The following ACTR3C variants were observed in gnomAD, a reference collection of about 807,000 sequenced individuals.
ACTR3C encodes actin related protein 3C, also known as actin-related protein 3C.
Under a neutral mutation model 26.3 loss-of-function variants are expected in ACTR3C, and 18 were observed. The ratio of observed to expected loss-of-function variants is 0.68; its 90% CI spans 0.47 to 1.01. The LOEUF is 1.01. ACTR3C is among the 50% of genes least tolerant of loss of function. The pLI, the probability that ACTR3C is intolerant of heterozygous loss-of-function variation, is 0.00. For missense variants in ACTR3C, 184 were observed against 250.7 expected, an observed-to-expected ratio of 0.73 and a Z score of 1.80; for synonymous variants, 55 against 94.5, an observed-to-expected ratio of 0.58 and a Z score of 2.42.
At chr7:150,309,659 T>G (rs1330336011) in intron 1 of ACTR3C, among the ~76,000 whole-genome samples, 4 of 152,180 alleles carry the variant, frequency 2.6e-5, no homozygotes, top group Non-Finnish European at 5.9e-5. Flanking sequence ...GACCAAGAAA[T>G]GCCCACAGCC....
intron 1 of ACTR3C, among the ~76,000 whole-genome samples, chr7:150,310,809 A>C (rs57982114): frequency 0.041 from 6,188 of 152,112 alleles, 420 homozygotes; most frequent in African/African-American, 0.14. Flanking sequence ...ATGTTGATGA[A>C]CTTCTTCTTT....
At chr7:149,909,152 G>A in the ACTR3C span, among the ~76,000 whole-genome samples, 5 of 151,216 alleles carry the variant, frequency 3.3e-5, no homozygotes, top group African/African-American at 9.8e-5. Flanking sequence ...TGAGTAGAAC[G>A]CCCCATGCCA....
chr7:150,147,227 AAAG>A, the ACTR3C span, among the ~76,000 whole-genome samples: 1 of 152,238 alleles, frequency 6.6e-6, no homozygotes, highest in East Asian at 1.9e-4. Context: ...TTATAGCCAC[AAAG>A]AAGATGTAAT....
the ACTR3C span, among the ~76,000 whole-genome samples, chr7:150,072,790 G>T: frequency 6.6e-6 from 1 of 152,132 alleles, no homozygotes; most frequent in African/African-American, 2.4e-5. Flanking sequence ...CAGTATGATA[G>T]GTGCAGACAG....
At chr7:150,305,094 A>G (rs573428291) in intron 1 of ACTR3C, among the ~76,000 whole-genome samples, 187 of 152,084 alleles carry the variant, frequency 1.2e-3, no homozygotes, top group Non-Finnish European at 2.1e-3. Flanking sequence ...CTAACAAACA[A>G]TGTGTGCTTC....
chr7:149,979,633 A>C, the ACTR3C span, among the ~76,000 whole-genome samples: 2 of 152,228 alleles, frequency 1.3e-5, no homozygotes, highest in Middle Eastern at 6.8e-3. Flanking sequence ...CCATCCTTTA[A>C]AACTTGTATT....
the ACTR3C span, among the ~76,000 whole-genome samples, chr7:150,056,279 C>T: frequency 5.9e-5 from 9 of 151,968 alleles, no homozygotes; most frequent in Non-Finnish European, 1.2e-4. Context: ...AGTGCAAAAC[C>T]CTGATTCATG....
chr7:150,190,056 T>C, the ACTR3C span, among the ~76,000 whole-genome samples: 7 of 152,256 alleles, frequency 4.6e-5, no homozygotes, highest in Non-Finnish European at 8.8e-5. Context: ...GCTTGAACTT[T>C]GTGTGGTCAG....
the ACTR3C span, among the ~76,000 whole-genome samples, chr7:150,099,508 C>T: frequency 6.6e-6 from 1 of 151,384 alleles, no homozygotes; most frequent in East Asian, 1.9e-4. Flanking sequence ...GAACGGATTG[C>T]TTCTGAGCTT....
At chr7:149,896,781 T>C in the ACTR3C span, among the ~76,000 whole-genome samples, 150,121 of 151,912 alleles carry the variant, frequency 0.99, 74,206 homozygotes, top group East Asian at 1. Context: ...CTGCTAAGGC[T>C]GGGCGCGGTG....
chr7:150,165,004 G>A, the ACTR3C span, among the ~76,000 whole-genome samples: 1 of 152,146 alleles, frequency 6.6e-6, no homozygotes, highest in African/African-American at 2.4e-5. Flanking sequence ...CCTTGTCAGA[G>A]GTAAGGAAAC....
At chr7:149,958,213 GC>G in the ACTR3C span, among the ~76,000 whole-genome samples, 16 of 151,956 alleles carry the variant, frequency 1.1e-4, no homozygotes, top group African/African-American at 2.7e-4. Flanking sequence ...CCTCTTTCCA[GC>G]CTTTGTTATT....
chr7:150,279,904 G>A (rs1220330136), intron 6 of ACTR3C, among the ~76,000 whole-genome samples: 1 of 152,114 alleles, frequency 6.6e-6, no homozygotes, highest in Non-Finnish European at 1.5e-5. Context: ...GACAAGAACC[G>A]AATCATCTCG....
At chr7:150,312,102 A>G (rs1796378170) in intron 1 of ACTR3C, among the ~76,000 whole-genome samples, 1 of 152,210 alleles carries the variant, frequency 6.6e-6, no homozygotes, top group South Asian at 2.1e-4. Flanking sequence ...CTACGCCAAC[A>G]AAATAGCCAA....
chr7:150,109,844 G>A, the ACTR3C span, among the ~76,000 whole-genome samples: 1 of 144,132 alleles, frequency 6.9e-6, no homozygotes, highest in East Asian at 2.0e-4. Flanking sequence ...TCTTCCCAAA[G>A]CTCAATAAAC....
the ACTR3C span, among the ~76,000 whole-genome samples, chr7:150,065,907 G>A: frequency 6.6e-6 from 1 of 150,996 alleles, no homozygotes; most frequent in Non-Finnish European, 1.5e-5. Flanking sequence ...AAGGGAAGAA[G>A]ATGGAAACAC....
At chr7:150,318,076 T>C (rs1797115930) in intron 1 of ACTR3C, among the ~76,000 whole-genome samples, 1 of 152,170 alleles carries the variant, frequency 6.6e-6, no homozygotes. Flanking sequence ...AATTCTATAA[T>C]TGTGTATATT....
At chr7:149,923,064 C>A in the ACTR3C span, among the ~76,000 whole-genome samples, 1 of 121,414 alleles carries the variant, frequency 8.2e-6, no homozygotes, top group East Asian at 2.8e-4. Flanking sequence ...CATAATTACT[C>A]ATAGTTGGGA....
chr7:150,121,438 A>G, the ACTR3C span, among the ~76,000 whole-genome samples: 1 of 149,966 alleles, frequency 6.7e-6, no homozygotes, highest in Non-Finnish European at 1.5e-5. Flanking sequence ...TACACCAATA[A>G]TAGACAAACA....
Sources: allele counts gnomAD v4.1 joint callset (sites outside exome capture counted in the v4.1 genomes callset), GRCh38; gene constraint gnomAD v4.1.1; transcripts MANE v1.5; gene names NCBI Gene and HGNC (gene_info 2026-07-23, HGNC 2026-07-21).